LHFPL3: variants seen among roughly 807,000 people sequenced by gnomAD.
LHFPL3 encodes the protein LHFPL tetraspan subfamily member 3.
Under a neutral mutation model 19.3 loss-of-function variants are expected in LHFPL3, and 5 were observed. The observed-to-expected ratio is 0.26, with a 90% CI of 0.14 to 0.54. LHFPL3 has a LOEUF of 0.54. LHFPL3 is among the 20% of genes least tolerant of loss of function. The probability of loss-of-function intolerance (pLI) is 0.94; values close to 1 mark genes in which losing one functional copy is unlikely to be tolerated. For synonymous variants in LHFPL3, 133 were observed against 126.2 expected (o/e 1.05, Z -0.36); for missense variants, 249 against 307.4 (o/e 0.81, Z 1.42).
intron 2 of LHFPL3, among the ~76,000 whole-genome samples, chr7:104,804,766 C>A (rs1451906366): frequency 2.6e-5 from 4 of 152,188 alleles, no homozygotes; most frequent in Non-Finnish European, 5.9e-5. Flanking sequence ...GAAAATGGAT[C>A]ATTTCCTAGT....
At chr7:104,891,188 A>T (rs560196920) in intron 2 of LHFPL3, among the ~76,000 whole-genome samples, 2 of 151,804 alleles carry the variant, frequency 1.3e-5, no homozygotes, top group African/African-American at 4.8e-5. Context: ...TAAAAAAAAA[A>T]TTTGTTTTGT....
intron 1 of LHFPL3, among the ~76,000 whole-genome samples, chr7:104,468,010 C>T (rs1362445689): frequency 6.6e-6 from 1 of 152,132 alleles, no homozygotes; most frequent in Non-Finnish European, 1.5e-5. Context: ...TCTGTCTGTT[C>T]AGTGTACCCT....
At chr7:104,336,589 C>T (rs1249278455) in intron 1 of LHFPL3, among the ~76,000 whole-genome samples, 1 of 151,696 alleles carries the variant, frequency 6.6e-6, no homozygotes. Context: ...TATCTGACTA[C>T]TATTGGCTAG....
chr7:104,695,858 A>G (rs569992452), intron 1 of LHFPL3, among the ~76,000 whole-genome samples: 1 of 152,294 alleles, frequency 6.6e-6, no homozygotes, highest in Non-Finnish European at 1.5e-5. Flanking sequence ...GAGAAAACAG[A>G]CTTGGGCTCA....
At chr7:104,390,375 C>T (rs182338061) in intron 1 of LHFPL3, among the ~76,000 whole-genome samples, 1,661 of 142,644 alleles carry the variant, frequency 0.012, 29 homozygotes, top group African/African-American at 0.04. Context: ...GTGTAGTGTT[C>T]CCCAACCTGT....
chr7:104,422,072 C>A (rs1012884610), intron 1 of LHFPL3, among the ~76,000 whole-genome samples: 1 of 152,134 alleles, frequency 6.6e-6, no homozygotes, highest in African/African-American at 2.4e-5. Context: ...GTAAAAAATA[C>A]ATTTCAGGCC....
chr7:104,764,898 C>T (rs1157950387), intron 2 of LHFPL3, among the ~76,000 whole-genome samples: 3 of 152,342 alleles, frequency 2.0e-5, no homozygotes, highest in Non-Finnish European at 2.9e-5. Context: ...TGTTCACAGA[C>T]ATTAGATGAC....
At chr7:104,817,322 A>G (rs1435685883) in intron 2 of LHFPL3, among the ~76,000 whole-genome samples, 3 of 151,888 alleles carry the variant, frequency 2.0e-5, no homozygotes, top group African/African-American at 7.3e-5. Flanking sequence ...ACCCCATTTC[A>G]TTCAGCCCAC....
intron 2 of LHFPL3, chr7:104,798,209 T>C (rs1318485433): frequency 1.3e-5 from 2 of 152,222 alleles, no homozygotes; most frequent in African/African-American, 4.8e-5. Flanking sequence ...AAGAAAAAGA[T>C]TATTCGTAAT....
At chr7:104,361,509 G>A (rs187720420) in intron 1 of LHFPL3, among the ~76,000 whole-genome samples, 2 of 152,276 alleles carry the variant, frequency 1.3e-5, no homozygotes, top group Non-Finnish European at 1.5e-5. Flanking sequence ...GGAGCTGAAG[G>A]AGAAGCAAGG....
intron 1 of LHFPL3, among the ~76,000 whole-genome samples, chr7:104,607,294 T>C (rs1254036883): frequency 6.6e-6 from 1 of 152,220 alleles, no homozygotes; most frequent in Non-Finnish European, 1.5e-5. Flanking sequence ...GAGTCAACAA[T>C]GTCAGATTTT....
At chr7:104,519,739 G>A (rs1392879122) in intron 1 of LHFPL3, among the ~76,000 whole-genome samples, 4 of 152,072 alleles carry the variant, frequency 2.6e-5, no homozygotes, top group Non-Finnish European at 2.9e-5. Flanking sequence ...TGGTACCTGG[G>A]AGCCATAGAT....
At chr7:104,659,810 A>G (rs4307277) in intron 1 of LHFPL3, among the ~76,000 whole-genome samples, 150,840 of 152,282 alleles carry the variant, frequency 0.99, 74,714 homozygotes, top group East Asian at 1. Flanking sequence ...TCTTGCTTTA[A>G]TCTGGCTTAA....
At chr7:104,601,966 T>G (rs10272959) in intron 1 of LHFPL3, among the ~76,000 whole-genome samples, 145,940 of 150,686 alleles carry the variant, frequency 0.97, 70,802 homozygotes, top group Non-Finnish European at 1. Flanking sequence ...CAAAATGTCA[T>G]CTCCTTCAAA....
chr7:104,420,310 T>C (rs996312078), intron 1 of LHFPL3, among the ~76,000 whole-genome samples: 5 of 152,200 alleles, frequency 3.3e-5, no homozygotes, highest in African/African-American at 1.2e-4. Flanking sequence ...CCTCCCCTTG[T>C]TAGTGAAATG....
intron 1 of LHFPL3, among the ~76,000 whole-genome samples, chr7:104,473,417 T>G (rs1792949342): frequency 6.6e-6 from 1 of 152,238 alleles, no homozygotes; most frequent in Non-Finnish European, 1.5e-5. Flanking sequence ...GCAGGTTGCC[T>G]AACATCATAA....
At chr7:104,848,527 A>C (rs1298628476) in intron 2 of LHFPL3, among the ~76,000 whole-genome samples, 1 of 152,108 alleles carries the variant, frequency 6.6e-6, no homozygotes, top group Non-Finnish European at 1.5e-5. Flanking sequence ...GGTGGGTTTC[A>C]GGCTTCTTGC....
chr7:104,859,685 TA>T (rs1791577317), intron 2 of LHFPL3, among the ~76,000 whole-genome samples: 1 of 151,910 alleles, frequency 6.6e-6, no homozygotes, highest in Non-Finnish European at 1.5e-5. Flanking sequence ...AATAAATAAA[TA>T]AAGTATAAGT....
At chr7:104,563,424 G>A (rs551624538) in intron 1 of LHFPL3, among the ~76,000 whole-genome samples, 5 of 148,944 alleles carry the variant, frequency 3.4e-5, no homozygotes, top group African/African-American at 7.4e-5. Flanking sequence ...CACAGTATTC[G>A]GGTGGGAGTG....
Sources: gnomAD v4.1 joint callset for allele counts (sites outside exome capture counted in the v4.1 genomes callset) on GRCh38, gnomAD v4.1.1 for gene constraint, MANE v1.5 for transcripts, NCBI Gene and HGNC (gene_info 2026-07-23, HGNC 2026-07-21) for gene names.